Variants in EPM2A observed in about 807,000 individuals in gnomAD.
The protein encoded by EPM2A is EPM2A glucan phosphatase, laforin, also known as laforin.
EPM2A carries 21 observed loss-of-function variants against 26.5 expected under a neutral mutation model. That is an observed-to-expected ratio of 0.79 (90% CI 0.56 to 1.14). EPM2A has a LOEUF of 1.14. EPM2A is among the 50% of genes most tolerant of loss of function. EPM2A has a pLI of 0.00. For synonymous variants in EPM2A, 217 were observed against 177.6 expected, an observed-to-expected ratio of 1.22 and a Z score of -1.76; for missense variants, 458 against 440.8, an observed-to-expected ratio of 1.04 and a Z score of -0.35.
intron 2 of EPM2A, among the ~76,000 whole-genome samples, chr6:145,652,606 CT>C (rs1488287686): frequency 6.6e-6 from 1 of 151,948 alleles, no homozygotes; most frequent in African/African-American, 2.4e-5. Flanking sequence ...TTGCCAGCCC[CT>C]AGAACACTCC....
At chr6:145,531,785 T>C (rs183801126) in intron 2 of EPM2A, among the ~76,000 whole-genome samples, 1 of 152,292 alleles carries the variant, frequency 6.6e-6, no homozygotes, top group Admixed American at 6.5e-5. Flanking sequence ...GTCAGAAGAC[T>C]CAGCAAATTC....
intron 1 of EPM2A, among the ~76,000 whole-genome samples, chr6:145,730,290 A>C (rs1398917856): frequency 2.6e-5 from 4 of 152,218 alleles, no homozygotes; most frequent in African/African-American, 7.2e-5. Flanking sequence ...CATAAAACAA[A>C]GTGGGAGTGT....
chr6:145,414,131 C>T (rs912698116), intron 4 of EPM2A, among the ~76,000 whole-genome samples: 2 of 152,136 alleles, frequency 1.3e-5, no homozygotes, highest in African/African-American at 4.8e-5. Context: ...TGGAAGTACT[C>T]CAGATCAACT....
intron 4 of EPM2A, among the ~76,000 whole-genome samples, chr6:145,451,160 A>T (rs966713287): frequency 6.6e-6 from 1 of 152,220 alleles, no homozygotes; most frequent in Non-Finnish European, 1.5e-5. Flanking sequence ...TTAACTTCAC[A>T]GTTGTCCAAT....
chr6:145,469,419 A>G (rs1779443873), intron 4 of EPM2A, among the ~76,000 whole-genome samples: 1 of 152,178 alleles, frequency 6.6e-6, no homozygotes, highest in Admixed American at 6.6e-5. Context: ...ATCATATAAA[A>G]ATATGCTCAA....
At chr6:145,539,020 A>G (rs538876864) in intron 2 of EPM2A, among the ~76,000 whole-genome samples, 3 of 152,358 alleles carry the variant, frequency 2.0e-5, no homozygotes, top group Non-Finnish European at 4.4e-5. Flanking sequence ...AGTTTTGTAC[A>G]TACGAGAGCC....
intron 2 of EPM2A, among the ~76,000 whole-genome samples, chr6:145,570,566 T>A (rs1230142217): frequency 1.3e-5 from 2 of 152,202 alleles, no homozygotes; most frequent in South Asian, 2.1e-4. Flanking sequence ...ACAGTTACAG[T>A]CCTCATTTCT....
chr6:145,465,423 C>A (rs13272526), intron 4 of EPM2A, among the ~76,000 whole-genome samples: 115 of 152,140 alleles, frequency 7.6e-4, no homozygotes, highest in Non-Finnish European at 1.4e-3. Flanking sequence ...GAATGTCCTC[C>A]TGTAGCTCGG....
chr6:145,611,082 T>C (rs1349859218), intron 2 of EPM2A, among the ~76,000 whole-genome samples: 1 of 152,142 alleles, frequency 6.6e-6, no homozygotes, highest in Non-Finnish European at 1.5e-5. Context: ...ATTTCTGTCA[T>C]TAAAAACAAT....
At chr6:145,418,593 C>T (rs975664013) in intron 4 of EPM2A, among the ~76,000 whole-genome samples, 10 of 152,200 alleles carry the variant, frequency 6.6e-5, no homozygotes, top group African/African-American at 2.4e-4. Flanking sequence ...CACCCGCTAC[C>T]AGTTCTTCCT....
intron 2 of EPM2A, among the ~76,000 whole-genome samples, chr6:145,657,048 A>T (rs904000810): frequency 2.0e-5 from 3 of 152,002 alleles, no homozygotes; most frequent in Non-Finnish European, 4.4e-5. Context: ...TTTGAAGAGC[A>T]AGAAATTATA....
chr6:145,580,391 TCTCAGTCTGATA>T (rs1159912249), intron 2 of EPM2A, among the ~76,000 whole-genome samples: 2 of 152,188 alleles, frequency 1.3e-5, no homozygotes, highest in African/African-American at 4.8e-5. Context: ...TATTGGAATA[TCTCAGTCTGATA>T]CTCTTGTATT....
At chr6:145,609,175 T>G (rs1359910666) in intron 2 of EPM2A, among the ~76,000 whole-genome samples, 1 of 152,204 alleles carries the variant, frequency 6.6e-6, no homozygotes, top group Non-Finnish European at 1.5e-5. Flanking sequence ...AGCCAATTAA[T>G]TTGATCGGAC....
chr6:145,385,576 A>C (rs1393331860), intron 4 of EPM2A, among the ~76,000 whole-genome samples: 1 of 152,102 alleles, frequency 6.6e-6, no homozygotes, highest in East Asian at 1.9e-4. Flanking sequence ...GTCACAGAGG[A>C]ATGCTTTTTA....
intron 4 of EPM2A, among the ~76,000 whole-genome samples, chr6:145,426,576 C>A (rs1372216878): frequency 6.6e-6 from 1 of 152,038 alleles, no homozygotes. Context: ...TCCTTATAAT[C>A]ATGAGGAAGA....
At chr6:145,607,076 A>G (rs1466564390) in intron 2 of EPM2A, among the ~76,000 whole-genome samples, 1 of 152,086 alleles carries the variant, frequency 6.6e-6, no homozygotes, top group Non-Finnish European at 1.5e-5. Flanking sequence ...TTCCATGTTC[A>G]CCCTATAAAA....
intron 1 of EPM2A, among the ~76,000 whole-genome samples, chr6:145,690,521 GAAAAAAA>G (rs145052340): frequency 1.1e-5 from 1 of 87,026 alleles, no homozygotes; most frequent in Non-Finnish European, 2.2e-5. Context: ...CGTCTCAAAA[GAAAAAAA>G]AAAAAAAAAA....
chr6:145,506,157 G>T (rs1211579585), intron 2 of EPM2A, among the ~76,000 whole-genome samples: 2 of 152,196 alleles, frequency 1.3e-5, no homozygotes, highest in African/African-American at 4.8e-5. Context: ...AGTTTCCTTT[G>T]GTTTAGGGAG....
intron 4 of EPM2A, among the ~76,000 whole-genome samples, chr6:145,489,084 C>T (rs991215447): frequency 9.9e-5 from 15 of 152,122 alleles, no homozygotes; most frequent in African/African-American, 3.6e-4. Context: ...TTTGCCACCA[C>T]CCCTCTCTCT....
Sources: allele counts gnomAD v4.1 joint callset (sites outside exome capture counted in the v4.1 genomes callset), GRCh38; gene constraint gnomAD v4.1.1; transcripts MANE v1.5; gene names NCBI Gene and HGNC (gene_info 2026-07-23, HGNC 2026-07-21).